The following NRG2 variants were observed in gnomAD, a reference collection of about 807,000 sequenced individuals.
The protein encoded by NRG2 is pro-neuregulin-2, membrane-bound isoform.
NRG2 carries 27 observed loss-of-function variants against 73.9 expected under a neutral mutation model. The ratio of observed to expected loss-of-function variants is 0.37; its 90% CI spans 0.27 to 0.50. The LOEUF is 0.50. Among genes scored for constraint, NRG2 ranks in the 20% least tolerant of loss-of-function variants. The probability of loss-of-function intolerance (pLI) is 0.96; values close to 1 mark genes in which losing one functional copy is unlikely to be tolerated. For synonymous variants in NRG2, 532 were observed against 541.0 expected, an observed-to-expected ratio of 0.98 and a Z score of 0.23; for missense variants, 1,126 against 1,210.1, an observed-to-expected ratio of 0.93 and a Z score of 1.03.
chr5:139,852,778 A>G lies in NRG2; in HGVS notation c.1416+126T>C. On this transcript the variant is annotated intron_variant, in intron 7 of 9. Transcript: ENST00000361474. This position sits in a 1 kb window ranked among gnomAD's most constrained non-coding sequence, Gnocchi z 4.4. ...CCAAGGCCAGCCATCCTGGTGAGGC[A>G]GTGCCTAGCAGGCAAGGCTGGCCAT... 1 of 1,486,992 alleles carries G rather than the reference A, an allele frequency of 6.7e-7. No homozygotes were observed. The highest frequency in any genetic ancestry group is 9.1e-7 in the Non-Finnish European group (1 of 1,093,594). The allele number at this position is 1,486,992 out of a possible 1,614,324, so 92.1% of individuals were successfully genotyped here. A position where few individuals can be genotyped will look rare whatever the true frequency, so the allele number is the denominator to read the frequency against.
chr5:139,952,265 T>A (rs1352316523), intron 1 of NRG2, among the ~76,000 whole-genome samples: 1 of 152,144 alleles, frequency 6.6e-6, no homozygotes, highest in Non-Finnish European at 1.5e-5. Flanking sequence ...ATTTGGCAGA[T>A]CACGTCTCAA....
chr5:139,967,038 A>G (rs1755574474), intron 1 of NRG2, among the ~76,000 whole-genome samples: 1 of 152,062 alleles, frequency 6.6e-6, no homozygotes, highest in South Asian at 2.1e-4. Flanking sequence ...GAGATATAAC[A>G]CCCAGGGGAT....
chr5:139,864,048 T>C lies in NRG2; in HGVS notation c.1189+1501A>G, dbSNP rs373747067. ...CCACCTTTAGCACCTCCCAGAGTTC[T>C]ACCTCCCAGTATCCAGTGCCATGTG... On this transcript the variant is annotated intron_variant, in intron 5 of 9. Coordinates refer to ENST00000361474, the MANE Select transcript of NRG2 (RefSeq NM_004883.3). 2.6e-5 allele frequency among the ~76,000 whole-genome samples: 4 copies of C among 152,282 alleles called. No homozygotes were observed. The South Asian group carries it at 6.2e-4, about 24-fold the overall frequency.
intron 1 of NRG2, among the ~76,000 whole-genome samples, chr5:140,033,562 T>G (rs758107246): frequency 7.9e-5 from 12 of 152,276 alleles, no homozygotes; most frequent in Non-Finnish European, 1.6e-4. Flanking sequence ...AGCATTCATA[T>G]CCTGGGACTC....
At chr5:139,957,317 G>C (rs900760329) in intron 1 of NRG2, among the ~76,000 whole-genome samples, 58 of 136,786 alleles carry the variant, frequency 4.2e-4, no homozygotes, top group African/African-American at 1.3e-3. Flanking sequence ...CTGTGTGTGT[G>C]TGTGTGTGTG....
In NRG2 at chr5:139,894,420, G is replaced by A. The variant is rs1399005403; in HGVS notation, c.701-6909C>T. Among the ~76,000 whole-genome samples, 1 of 142,538 alleles carries A rather than the reference G, an allele frequency of 7.0e-6. No homozygotes were observed. Among genetic ancestry groups the A allele is most frequent in the Admixed American group, 6.9e-5 (1 of 14,574 alleles). The allele number at this position is 142,538 out of a possible 152,430, so 93.5% of individuals were successfully genotyped here. On this transcript the variant is annotated intron_variant, in intron 1 of 9. Coordinates refer to ENST00000361474, the MANE Select transcript of NRG2 (RefSeq NM_004883.3). This position sits in a 1 kb window ranked among gnomAD's most constrained non-coding sequence, Gnocchi z 5.0. ...ACCCACAAAGTGACTGCAACCTATTGGAGGTTAATTACAGACTCCAAGTTC... is the reference window on the plus strand; with the variant it reads ...ACCCACAAAGTGACTGCAACCTATTAGAGGTTAATTACAGACTCCAAGTTC...
Position 139,904,793 on chromosome 5 carries a change from G to T in NRG2, c.701-17282C>A, listed in dbSNP as rs541772013. Among the ~76,000 whole-genome samples the T allele has an allele frequency of 2.8e-4, 42 of 152,332 alleles. No individual in the cohort carries two copies. The highest frequency in any genetic ancestry group is 1.0e-3 in the African/African-American group (42 of 41,592). ...GGGCCAGGCTAAGGACAGCATGGGG[G>T]TGGGGAGACAGCGAGGAAAGGGCCC... On this transcript the variant is annotated intron_variant, in intron 1 of 9. Coordinates refer to ENST00000361474, the MANE Select transcript of NRG2 (RefSeq NM_004883.3). The surrounding 1 kb of genome is among the most constrained non-coding windows in gnomAD (Gnocchi z 6.0).
At chr5:139,855,941 T>A (rs770730623) in intron 5 of NRG2, among the ~76,000 whole-genome samples, 163 bp from the exon 6 acceptor site, 1 of 152,172 alleles carries the variant, frequency 6.6e-6, no homozygotes, top group Non-Finnish European at 1.5e-5. Flanking sequence ...CCCTCCTACA[T>A]GCTCTGTTTT....
intron 1 of NRG2, among the ~76,000 whole-genome samples, chr5:139,892,709 G>T (rs188557191): frequency 6.6e-6 from 1 of 152,260 alleles, no homozygotes; most frequent in East Asian, 1.9e-4. Flanking sequence ...AGAGGAACAG[G>T]CTTCCTGGGA....
At chr5:139,933,417 C>T (rs745370090) in intron 1 of NRG2, among the ~76,000 whole-genome samples, 11 of 152,132 alleles carry the variant, frequency 7.2e-5, no homozygotes, top group Non-Finnish European at 1.5e-4. Context: ...CTGGAAATTA[C>T]ACAAACCTTA....
At chr5:140,020,090 T>TA (rs1561757420) in intron 1 of NRG2, among the ~76,000 whole-genome samples, 1 of 152,196 alleles carries the variant, frequency 6.6e-6, no homozygotes. Context: ...TTCATCTGTA[T>TA]ACTCTGAACG....
At chr5:139,972,840 A>G (rs939179593) in intron 1 of NRG2, among the ~76,000 whole-genome samples, 9 of 152,248 alleles carry the variant, frequency 5.9e-5, no homozygotes, top group African/African-American at 2.2e-4. Context: ...TAACAATATG[A>G]AAAAGATAAA....
chr5:139,970,016 G>T (rs1452430008), intron 1 of NRG2, among the ~76,000 whole-genome samples: 2 of 152,144 alleles, frequency 1.3e-5, no homozygotes, highest in Non-Finnish European at 2.9e-5. Flanking sequence ...TTACTTCATT[G>T]TGCTGGCAAA....
In NRG2 at chr5:139,879,759, A is replaced by G. The variant is rs868747288; in HGVS notation, c.991+1097T>C. On this transcript the variant is annotated intron_variant, in intron 3 of 9. Transcript: ENST00000361474. The stretch of plus-strand genomic sequence containing the variant: ...GTTACCCTTGAGGTATAGTTAGAGC[A>G]GAAGAGGCAGGTGTGAGAAAGATCC... Among the ~76,000 whole-genome samples the G allele has an allele frequency of 3.4e-4, 51 of 152,220 alleles. 1 individual carries two copies. Among genetic ancestry groups the G allele is most frequent in the Admixed American group, 2.0e-3 (30 of 15,290 alleles).
In NRG2 at chr5:140,043,268, C is replaced by T. The variant is rs941750497; in HGVS notation, c.-199G>A. 10 of 580,026 alleles carry T rather than the reference C, an allele frequency of 1.7e-5. No homozygotes were observed. The African/African-American group carries it at 1.8e-4, about 10-fold the overall frequency. 35.9% of individuals were successfully genotyped at this position (580,026 alleles called of 1,614,324 possible). A position where few individuals can be genotyped will look rare whatever the true frequency, so the allele number is the denominator to read the frequency against. Reference sequence around the variant, plus strand: ...GCGCAGCGCGGCGCAGCGCAGCGCTCCCACCCTGTGCGCCAGGACCTGGAG... The same window carrying T: ...GCGCAGCGCGGCGCAGCGCAGCGCTTCCACCCTGTGCGCCAGGACCTGGAG... On this transcript the variant is annotated 5_prime_UTR_variant, in exon 1 of 10. Coordinates refer to ENST00000361474, the MANE Select transcript of NRG2 (RefSeq NM_004883.3). This position sits in a 1 kb window ranked among gnomAD's most constrained non-coding sequence, Gnocchi z 6.7.
intron 1 of NRG2, among the ~76,000 whole-genome samples, chr5:139,996,918 A>T (rs1269254692): frequency 6.6e-6 from 1 of 152,172 alleles, no homozygotes; most frequent in Non-Finnish European, 1.5e-5. Context: ...TGGGGGGCAG[A>T]TTGCTTGAGT....
intron 1 of NRG2, among the ~76,000 whole-genome samples, chr5:139,911,833 A>G (rs993520893): frequency 5.3e-5 from 8 of 152,240 alleles, no homozygotes; most frequent in Admixed American, 1.3e-4. Flanking sequence ...CACAGCAATA[A>G]TAACAACCGG....
chr5:139,891,792 A>T (rs1764226562), intron 1 of NRG2, among the ~76,000 whole-genome samples: 1 of 152,200 alleles, frequency 6.6e-6, no homozygotes, highest in Non-Finnish European at 1.5e-5. Flanking sequence ...GGGCTGTGCA[A>T]GCCAGGATGA....
chr5:139,910,282 A>G (rs1337590617), intron 1 of NRG2, among the ~76,000 whole-genome samples: 1 of 152,206 alleles, frequency 6.6e-6, no homozygotes, highest in Non-Finnish European at 1.5e-5. Context: ...TTGCCAGGTG[A>G]GAATGCTTCT....
Sources: allele counts gnomAD v4.1 joint callset (sites outside exome capture counted in the v4.1 genomes callset), GRCh38; gene constraint gnomAD v4.1.1; non-coding constraint Gnocchi (gnomAD v3.1); transcripts MANE v1.5; gene names NCBI Gene and HGNC (gene_info 2026-07-23, HGNC 2026-07-21).